The following GRID1 variants were observed in gnomAD, a reference collection of about 807,000 sequenced individuals.
GRID1 encodes the protein glutamate ionotropic receptor delta type subunit 1.
A neutral mutation model predicts 98.0 loss-of-function variants in GRID1; 28 were observed. That is an observed-to-expected ratio of 0.29 (90% CI 0.21 to 0.39). GRID1 has a LOEUF of 0.39. GRID1 is among the 10% of genes least tolerant of loss of function. The pLI, the probability that GRID1 is intolerant of heterozygous loss-of-function variation, is 1.00. For missense variants in GRID1, 1,111 were observed against 1,340.5 expected (o/e 0.83, Z 2.67); for synonymous variants, 553 against 538.5 (o/e 1.03, Z -0.37).
intron 2 of GRID1, among the ~76,000 whole-genome samples, chr10:86,220,164 T>G (rs181644409): frequency 6.6e-6 from 1 of 152,344 alleles, no homozygotes. Context: ...CATTCATTCA[T>G]TTACCAATCA....
intron 2 of GRID1, among the ~76,000 whole-genome samples, chr10:86,224,169 C>A (rs1846304507): frequency 6.6e-6 from 1 of 152,224 alleles, no homozygotes; most frequent in Non-Finnish European, 1.5e-5. Flanking sequence ...AGCTCCCACC[C>A]CCGACACTCC....
intron 4 of GRID1, among the ~76,000 whole-genome samples, chr10:85,921,092 G>T (rs1269125012): frequency 6.6e-6 from 1 of 152,190 alleles, no homozygotes; most frequent in East Asian, 1.9e-4. Context: ...AAAGCATCCA[G>T]CTGACTTCTC....
chr10:85,903,897 C>A (rs1033386866), intron 5 of GRID1, among the ~76,000 whole-genome samples: 8 of 152,178 alleles, frequency 5.3e-5, no homozygotes, highest in Non-Finnish European at 1.0e-4. Context: ...TCAAATGTTA[C>A]CTCATCAAAT....
At chr10:86,193,328 G>A (rs1011472385) in intron 3 of GRID1, among the ~76,000 whole-genome samples, 1 of 152,164 alleles carries the variant, frequency 6.6e-6, no homozygotes, top group Non-Finnish European at 1.5e-5. Flanking sequence ...GCCTGGCACA[G>A]AGTAACTACA....
intron 4 of GRID1, among the ~76,000 whole-genome samples, chr10:86,021,058 GCCTGCC>G (rs1843042311): frequency 6.6e-6 from 1 of 151,596 alleles, no homozygotes; most frequent in African/African-American, 2.4e-5. Context: ...CTGCCTGCCT[GCCTGCC>G]TGCCTGCCTG....
chr10:85,668,959 T>C (rs1490307440), intron 12 of GRID1, among the ~76,000 whole-genome samples: 1 of 152,208 alleles, frequency 6.6e-6, no homozygotes, highest in Non-Finnish European at 1.5e-5. Flanking sequence ...AAAAGTGACC[T>C]GCAGGACACA....
chr10:86,347,195 C>T (rs147397387), intron 2 of GRID1, among the ~76,000 whole-genome samples: 6 of 152,246 alleles, frequency 3.9e-5, no homozygotes, highest in East Asian at 3.9e-4. Flanking sequence ...TGGAGCTCTC[C>T]GGAACAACTG....
intron 8 of GRID1, among the ~76,000 whole-genome samples, chr10:85,783,242 T>G (rs1395998048): frequency 6.6e-6 from 1 of 152,146 alleles, no homozygotes; most frequent in Non-Finnish European, 1.5e-5. Context: ...GCAGCACCCT[T>G]GCAATGAAGG....
At chr10:85,674,369 T>A (rs1409057793) in intron 12 of GRID1, among the ~76,000 whole-genome samples, 2 of 152,166 alleles carry the variant, frequency 1.3e-5, no homozygotes, top group African/African-American at 4.8e-5. Context: ...ATCCGATGAA[T>A]AAGAACAGCT....
chr10:85,695,801 C>T (rs573078178), intron 12 of GRID1, among the ~76,000 whole-genome samples: 1 of 152,276 alleles, frequency 6.6e-6, no homozygotes, highest in Non-Finnish European at 1.5e-5. Context: ...GCCAGCTGCT[C>T]TTTGCATGGC....
intron 8 of GRID1, among the ~76,000 whole-genome samples, chr10:85,738,942 C>T (rs1211121473): frequency 6.6e-6 from 1 of 152,136 alleles, no homozygotes; most frequent in East Asian, 1.9e-4. Context: ...TTACCATATA[C>T]ATTTGTCAGA....
At chr10:86,258,880 A>C (rs182172196) in intron 2 of GRID1, among the ~76,000 whole-genome samples, 3 of 152,376 alleles carry the variant, frequency 2.0e-5, no homozygotes, top group East Asian at 3.9e-4. Flanking sequence ...ATTTCCAAAG[A>C]AGACATAAGA....
chr10:86,174,262 G>A (rs7905546), intron 3 of GRID1, among the ~76,000 whole-genome samples: 2 of 151,688 alleles, frequency 1.3e-5, no homozygotes, highest in Non-Finnish European at 2.9e-5. Flanking sequence ...CTACAGTCAC[G>A]AAAACAGCAT....
intron 2 of GRID1, among the ~76,000 whole-genome samples, chr10:86,295,052 G>A (rs139350988): frequency 6.6e-6 from 1 of 152,344 alleles, no homozygotes; most frequent in East Asian, 1.9e-4. Flanking sequence ...AGCTCTGAGA[G>A]TCGTGAGGGC....
chr10:86,352,684 G>A (rs892293291), intron 2 of GRID1, among the ~76,000 whole-genome samples: 2 of 152,130 alleles, frequency 1.3e-5, no homozygotes, highest in Non-Finnish European at 2.9e-5. Flanking sequence ...GGGGTTAAGG[G>A]CTTTGACATC....
chr10:86,336,026 T>C (rs1425951113), intron 2 of GRID1, among the ~76,000 whole-genome samples: 4 of 152,200 alleles, frequency 2.6e-5, no homozygotes, highest in African/African-American at 9.7e-5. Flanking sequence ...GGGGCAGGAA[T>C]CCAGGAGTCA....
intron 5 of GRID1, among the ~76,000 whole-genome samples, chr10:85,873,356 T>C (rs1438779122): frequency 1.3e-5 from 2 of 152,216 alleles, no homozygotes; most frequent in African/African-American, 2.4e-5. Flanking sequence ...TATACAACAC[T>C]ATTAGAAGTC....
At chr10:85,754,090 C>G (rs1250521463) in intron 8 of GRID1, among the ~76,000 whole-genome samples, 1 of 152,194 alleles carries the variant, frequency 6.6e-6, no homozygotes, top group African/African-American at 2.4e-5. Context: ...GACAATTTCA[C>G]TCATGAGAGC....
intron 8 of GRID1, among the ~76,000 whole-genome samples, chr10:85,738,755 C>T (rs908649417): frequency 2.0e-4 from 31 of 152,180 alleles, no homozygotes; most frequent in African/African-American, 6.5e-4. Flanking sequence ...TAGGAGACTG[C>T]GTGCTTTACG....
Sources: gnomAD v4.1 joint callset for allele counts (sites outside exome capture counted in the v4.1 genomes callset) on GRCh38, gnomAD v4.1.1 for gene constraint, MANE v1.5 for transcripts, NCBI Gene and HGNC (gene_info 2026-07-23, HGNC 2026-07-21) for gene names.